The following KIFC1 variants were observed in gnomAD, a reference collection of about 807,000 sequenced individuals.
KIFC1 encodes kinesin family member C1, also known as kinesin-like protein KIFC1.
Under a neutral mutation model 66.6 loss-of-function variants are expected in KIFC1, and 37 were observed. That is an observed-to-expected ratio of 0.56 (90% CI 0.43 to 0.73). KIFC1 has a LOEUF of 0.73. Ranked by LOEUF, KIFC1 falls within the 30% of genes least tolerant of loss-of-function variation. KIFC1 has a pLI of 0.00. For synonymous variants in KIFC1, 325 were observed against 343.5 expected (o/e 0.95, Z 0.60); for missense variants, 721 against 859.8 (o/e 0.84, Z 2.02).
In KIFC1 at chr6:33,404,001, C is replaced by T. The variant is rs142313923; in HGVS notation, c.628C>T (p.Arg210Cys). 389 of 1,614,206 alleles carry T rather than the reference C, an allele frequency of 2.4e-4. No homozygotes were observed. Among genetic ancestry groups the T allele is most frequent in the Non-Finnish European group, 3.1e-4 (370 of 1,180,046 alleles). Residue 210 changes from arginine (R) to cysteine (C), a missense_variant, in exon 6 of 11, where the codon CGT becomes TGT. Coordinates refer to ENST00000428849, the MANE Select transcript of KIFC1 (RefSeq NM_002263.4). This position sits in a 1 kb window ranked among gnomAD's most constrained non-coding sequence, Gnocchi z 4.0. ...EQGQQELKNL[R>C]ACVLELEERL... Reference sequence around the variant, plus strand: ...GGGCCAACAGGAGCTGAAGAACTTGCGTGCTTGTGTCCTGGAGCTGGAAGA... The same window carrying T: ...GGGCCAACAGGAGCTGAAGAACTTGTGTGCTTGTGTCCTGGAGCTGGAAGA...
At chr6:33,397,965 G>A (rs1775143336) in intron 1 of KIFC1, 64 bp from the exon 2 acceptor site, 1 of 1,581,520 alleles carries the variant, frequency 6.3e-7, no homozygotes, top group Non-Finnish European at 8.7e-7. Context: ...TGGGGGCCAA[G>A]ACAGGAAGTT....
chr6:33,392,309 T>A (rs1254812509), intron 1 of KIFC1, among the ~76,000 whole-genome samples: 3 of 152,234 alleles, frequency 2.0e-5, no homozygotes, highest in Admixed American at 2.0e-4. Flanking sequence ...TTCCACTTCT[T>A]TATTCCTACT....
chr6:33,406,850 T>C lies in KIFC1; in HGVS notation c.1952T>C (p.Leu651Pro), dbSNP rs1389687059. ...SPLEENVSES[L>P]NSLRFASKVN... is the part of the protein sequence containing the mutation. ...CTGGAAGAGAACGTCTCCGAGTCCC[T>C]CAACTCTCTACGCTTTGCCTCCAAG... Residue 651 changes from leucine (L) to proline (P), a missense_variant, in exon 10 of 11, where the codon CTC (leucine) becomes CCC (proline). Coordinates refer to ENST00000428849, the MANE Select transcript of KIFC1 (RefSeq NM_002263.4). The surrounding 1 kb of genome is among the most constrained non-coding windows in gnomAD (Gnocchi z 4.5). The C allele has an allele frequency of 6.2e-7, 1 of 1,614,116 alleles. No individual in the cohort carries two copies. Among genetic ancestry groups the C allele is most frequent in the Admixed American group, 1.7e-5 (1 of 60,016 alleles).
Position 33,405,207 on chromosome 6 carries a change from A to G in KIFC1, c.1112A>G (p.Asp371Gly), listed in dbSNP as rs755331310. 1.2e-6 allele frequency: 2 copies of G among 1,613,966 alleles called. No individual in the cohort carries two copies. Among genetic ancestry groups the G allele is most frequent in the Admixed American group, 3.3e-5 (2 of 60,000 alleles). ...SGAPAPPTRH[D>G]FSFDRVFPPG... Reference sequence around the variant, plus strand: ...GCACCAGCTCCCCCAACTCGCCATGATTTTTCCTTTGACCGGGTATTCCCA... The same window carrying G: ...GCACCAGCTCCCCCAACTCGCCATGGTTTTTCCTTTGACCGGGTATTCCCA... Residue 371 changes from aspartate (D) to glycine (G), a missense_variant, in exon 7 of 11, where the codon GAT becomes GGT. Asp to Gly is a moderately conservative substitution (Grantham distance 94). Transcript: ENST00000428849. This position sits in a 1 kb window ranked among gnomAD's most constrained non-coding sequence, Gnocchi z 5.4.
Position 33,405,149 on chromosome 6 carries a change from C to T in KIFC1, c.1054C>T (p.Arg352Trp), listed in dbSNP as rs777506158. 139 of 1,614,036 alleles carry T rather than the reference C, an allele frequency of 8.6e-5. No individual in the cohort carries two copies. The highest frequency in any genetic ancestry group is 3.3e-4 in the Middle Eastern group (2 of 6,084). Residue 352 changes from arginine (R) to tryptophan (W), a missense_variant, in exon 7 of 11, where the codon CGG becomes TGG. By Grantham distance (101) the Arg-to-Trp change is moderately radical. Coordinates refer to ENST00000428849, the MANE Select transcript of KIFC1 (RefSeq NM_002263.4). The surrounding 1 kb of genome is among the most constrained non-coding windows in gnomAD (Gnocchi z 5.4). ...SDPPTRLSLS[R>W]SDERRGTLSG... is the part of the protein sequence containing the mutation. ...TCCTCCAACCCGCCTTAGCCTCTCC[C>T]GGTCTGACGAGCGGCGTGGGACCCT...
At position 33,405,545 on chromosome 6, in the gene KIFC1, G is replaced by A. The variant is rs369930694; in HGVS notation, c.1450G>A (p.Glu484Lys). ...TGGAACCCGGAAGGGTCAAGGGGGC[G>A]AGTGTGAGATTCGCCGTGCAGGGCC... Reference protein sequence around the residue: ...ATGTRKGQGGECEIRRAGPGS... With the variant: ...ATGTRKGQGGKCEIRRAGPGS... Residue 484 changes from glutamate to lysine, a missense_variant, in exon 7 of 11, where the codon GAG becomes AAG. Coordinates refer to ENST00000428849, the MANE Select transcript of KIFC1 (RefSeq NM_002263.4). The surrounding 1 kb of genome is among the most constrained non-coding windows in gnomAD (Gnocchi z 5.4). 3.1e-6 allele frequency: 5 copies of A among 1,605,756 alleles called. No individual in the cohort carries two copies. Among genetic ancestry groups the A allele is most frequent in the Non-Finnish European group, 4.3e-6 (5 of 1,176,356 alleles).
Position 33,406,314 on chromosome 6 carries a change from G to C in KIFC1, c.1655G>C (p.Ser552Thr), listed in dbSNP as rs1775650507. The stretch of plus-strand genomic sequence containing the variant: ...CTACAGATTTCTGGGGAGCACTCCA[G>C]CCGAGGCCTGCAGTGTGGGGCCCCC... ...FQLQISGEHS[S>T]RGLQCGAPLS... The change falls in exon 8 of 11, where the codon AGC (serine) becomes ACC (threonine). Residue 552 changes from serine to threonine, a missense_variant. Coordinates refer to ENST00000428849, the MANE Select transcript of KIFC1 (RefSeq NM_002263.4). This position sits in a 1 kb window ranked among gnomAD's most constrained non-coding sequence, Gnocchi z 4.5. The C allele has an allele frequency of 6.2e-7, 1 of 1,614,110 alleles. No homozygotes were observed. Among genetic ancestry groups the C allele is most frequent in the Non-Finnish European group, 8.5e-7 (1 of 1,180,046 alleles).
Position 33,405,088 on chromosome 6 carries a change from C to A in KIFC1, c.993C>A (p.Leu331=). Residue 331 remains leucine (L), a synonymous_variant, in exon 7 of 11, where the codon CTC becomes CTA. Transcript: ENST00000428849. This position sits in a 1 kb window ranked among gnomAD's most constrained non-coding sequence, Gnocchi z 5.4. ...LPGEPTPPPG[L]LLFPSGPGGP... is the part of the protein sequence containing the mutation. ...GGGAGCCCACTCCACCCCCTGGCCTCCTCCTGTTTCCCTCTGGCCCTGGTG... is the reference window on the plus strand; with the variant it reads ...GGGAGCCCACTCCACCCCCTGGCCTACTCCTGTTTCCCTCTGGCCCTGGTG... 1 of 1,614,150 alleles carries A rather than the reference C, an allele frequency of 6.2e-7. No individual in the cohort carries two copies. Among genetic ancestry groups the A allele is most frequent in the Non-Finnish European group, 8.5e-7 (1 of 1,180,012 alleles).
chr6:33,407,128 G>A, intron 10 of KIFC1: 3 of 1,306,972 alleles, frequency 2.3e-6, no homozygotes, highest in Non-Finnish European at 2.0e-6. Flanking sequence ...GTCTAAACTG[G>A]TTGGGCGTAG....
At chr6:33,392,069 C>T (rs965523996) in intron 1 of KIFC1, 72 bp downstream of exon 1, 7 of 1,532,308 alleles carry the variant, frequency 4.6e-6, no homozygotes, top group Non-Finnish European at 5.4e-6. Flanking sequence ...TGCTGTCGCG[C>T]CCCCGGCTCC....
intron 1 of KIFC1, among the ~76,000 whole-genome samples, chr6:33,396,715 T>C (rs1272628845): frequency 6.6e-6 from 1 of 150,832 alleles, no homozygotes; most frequent in Non-Finnish European, 1.5e-5. Context: ...GGAGTCTCGC[T>C]CTGTCACCCA....
chr6:33,395,924 G>T (rs1350659577), intron 1 of KIFC1, among the ~76,000 whole-genome samples: 1 of 152,078 alleles, frequency 6.6e-6, no homozygotes, highest in South Asian at 2.1e-4. Flanking sequence ...CAATGGTATG[G>T]ATATATCACA....
At position 33,396,985 on chromosome 6, in the gene KIFC1, T is replaced by C. The variant is rs1427835918; in HGVS notation, c.13-1044T>C. Among the ~76,000 whole-genome samples, 53 of 88,968 alleles carry C rather than the reference T, an allele frequency of 6.0e-4. 1 individual carries two copies. Among genetic ancestry groups the C allele is most frequent in the African/African-American group, 2.1e-3 (53 of 25,056 alleles). 58.4% of individuals were successfully genotyped at this position (88,968 alleles called of 152,430 possible). A position where few individuals can be genotyped will look rare whatever the true frequency, so the allele number is the denominator to read the frequency against. ...GCATAAGCCACCGCGCCTGGCCAAG[T>C]TCTTTTTTTTTTTTTTTTTTTTGAG... On this transcript the variant is annotated intron_variant, in intron 1 of 10. Transcript: ENST00000428849.
chr6:33,409,856 G>A lies in KIFC1; in HGVS notation c.*166G>A, dbSNP rs1775863235. 1 of 671,160 alleles carries A rather than the reference G, an allele frequency of 1.5e-6. No individual in the cohort carries two copies. Among genetic ancestry groups the A allele is most frequent in the Non-Finnish European group, 2.4e-6 (1 of 409,436 alleles). The allele number at this position is 671,160 out of a possible 1,614,324, so 41.6% of individuals were successfully genotyped here. A position where few individuals can be genotyped will look rare whatever the true frequency, so the allele number is the denominator to read the frequency against. On this transcript the variant is annotated 3_prime_UTR_variant, in exon 11 of 11. Transcript: ENST00000428849. ...AGGGCTATCAAATAAAGAATAGTTT[G>A]GTTTTTTTTTTAAATAAAGGTTTTA...
intron 1 of KIFC1, among the ~76,000 whole-genome samples, chr6:33,396,044 C>G (rs1775016361): frequency 1.3e-5 from 2 of 152,054 alleles, no homozygotes; most frequent in African/African-American, 4.8e-5. Context: ...TAGTTATGAA[C>G]AAAACAGATG....
rs1775457222 is a variant in KIFC1 at position 33,403,067 on chromosome 6, G to A, written c.251-247G>A. On this transcript the variant is annotated intron_variant, in intron 3 of 10. Coordinates refer to ENST00000428849, the MANE Select transcript of KIFC1 (RefSeq NM_002263.4). This position sits in a 1 kb window ranked among gnomAD's most constrained non-coding sequence, Gnocchi z 4.6. Reference sequence around the variant, plus strand: ...TATACCTATTTATGTAAGGGACTTGGGCATCCTTGGATTTTGGTATTCTTG... The same window carrying A: ...TATACCTATTTATGTAAGGGACTTGAGCATCCTTGGATTTTGGTATTCTTG... Among the ~76,000 whole-genome samples the A allele has an allele frequency of 6.6e-6, 1 of 152,044 alleles. No individual in the cohort carries two copies. The highest frequency in any genetic ancestry group is 1.5e-5 in the Non-Finnish European group (1 of 68,012).
rs1487016182 is a variant in KIFC1, at chr6:33,406,563, A to C, written c.1828-29A>C. ...GCTGTGCAGAACCCTGCCTATTCCTAAACATCTGTCCCCACCTCAATCATC... is the reference window on the plus strand; with the variant it reads ...GCTGTGCAGAACCCTGCCTATTCCTCAACATCTGTCCCCACCTCAATCATC... On this transcript the variant is annotated intron_variant, in intron 8 of 10. Transcript: ENST00000428849. This position sits in a 1 kb window ranked among gnomAD's most constrained non-coding sequence, Gnocchi z 4.5. 4.3e-6 allele frequency: 7 copies of C among 1,613,630 alleles called. No homozygotes were observed. The highest frequency in any genetic ancestry group is 5.9e-6 in the Non-Finnish European group (7 of 1,179,786).
At chr6:33,395,994 C>T (rs1252279314) in intron 1 of KIFC1, among the ~76,000 whole-genome samples, 2 of 152,114 alleles carry the variant, frequency 1.3e-5, no homozygotes, top group African/African-American at 4.8e-5. Context: ...CTGTAGAGTC[C>T]TACCATGTAG....
In KIFC1 at chr6:33,409,751, G is replaced by C. The variant is rs1328880286; in HGVS notation, c.*61G>C. ...TGTGTGTGTGTGTGTGTGTGTGTGT[G>C]TGTCCCTATGTCTATGTATCGGGTG... is the stretch of plus-strand genomic sequence containing the variant. On this transcript the variant is annotated 3_prime_UTR_variant, in exon 11 of 11. Coordinates refer to ENST00000428849, the MANE Select transcript of KIFC1 (RefSeq NM_002263.4). The C allele has an allele frequency of 2.4e-6, 3 of 1,235,664 alleles. No individual in the cohort carries two copies. Among genetic ancestry groups the C allele is most frequent in the Non-Finnish European group, 3.4e-6 (3 of 881,028 alleles). 76.5% of individuals were successfully genotyped at this position (1,235,664 alleles called of 1,614,324 possible).
Sources: gnomAD v4.1 joint callset for allele counts (sites outside exome capture counted in the v4.1 genomes callset) on GRCh38, gnomAD v4.1.1 for gene constraint, Gnocchi (gnomAD v3.1) non-coding constraint, MANE v1.5 for transcripts, NCBI Gene and HGNC (gene_info 2026-07-23, HGNC 2026-07-21) for gene names.